PHF20: variants seen among roughly 807,000 people sequenced by gnomAD.
The protein encoded by PHF20 is PHD finger protein 20.
Under a neutral mutation model 113.5 loss-of-function variants are expected in PHF20, and 23 were observed. The observed-to-expected ratio is 0.20, with a 90% CI of 0.15 to 0.29. The LOEUF (loss-of-function observed/expected upper bound fraction) is 0.29, where lower values mean the gene tolerates loss of function less well. PHF20 is among the 10% of genes least tolerant of loss of function. The pLI, the probability that PHF20 is intolerant of heterozygous loss-of-function variation, is 1.00. For synonymous variants in PHF20, 434 were observed against 457.3 expected (o/e 0.95, Z 0.65); for missense variants, 943 against 1,219.6 (o/e 0.77, Z 3.38).
At chr20:35,888,058 G>A (rs568079026) in intron 9 of PHF20, among the ~76,000 whole-genome samples, 5 of 146,310 alleles carry the variant, frequency 3.4e-5, no homozygotes, top group South Asian at 2.2e-4. Flanking sequence ...TCGGCCCACC[G>A]CAACCTCCGC....
intron 1 of PHF20, among the ~76,000 whole-genome samples, chr20:35,795,496 C>T (rs2041649623): frequency 6.6e-6 from 1 of 152,086 alleles, no homozygotes; most frequent in African/African-American, 2.4e-5. Flanking sequence ...TTTGCCCTCC[C>T]AAAGTGTTGG....
At chr20:35,804,472 G>A (rs1600754934) in intron 2 of PHF20, among the ~76,000 whole-genome samples, 1 of 151,848 alleles carries the variant, frequency 6.6e-6, no homozygotes, top group Non-Finnish European at 1.5e-5. Flanking sequence ...TCCTGACCTC[G>A]TGATCCACCC....
At chr20:35,909,184 A>G (rs2055252265) in intron 10 of PHF20, among the ~76,000 whole-genome samples, 1 of 151,932 alleles carries the variant, frequency 6.6e-6, no homozygotes. Flanking sequence ...AGTTGAGGAA[A>G]TTCCCTCCTA....
intron 2 of PHF20, among the ~76,000 whole-genome samples, chr20:35,814,513 G>A (rs1280393999): frequency 6.6e-6 from 1 of 150,518 alleles, no homozygotes. Context: ...CGCTGCGCCC[G>A]GCCTATAATA....
intron 1 of PHF20, among the ~76,000 whole-genome samples, chr20:35,792,080 T>G (rs2041567807): frequency 6.6e-6 from 1 of 152,202 alleles, no homozygotes; most frequent in African/African-American, 2.4e-5. Context: ...TCAACTCATG[T>G]TTGCTGTCTC....
intron 1 of PHF20, among the ~76,000 whole-genome samples, chr20:35,798,795 T>G (rs2041719980): frequency 1.3e-5 from 2 of 151,444 alleles, no homozygotes; most frequent in African/African-American, 4.9e-5. Flanking sequence ...AGGTTCTTGC[T>G]CTGTCACTCA....
At chr20:35,881,048 C>CGTTTT (rs2054620632) in intron 9 of PHF20, among the ~76,000 whole-genome samples, 1 of 109,756 alleles carries the variant, frequency 9.1e-6, no homozygotes, top group Non-Finnish European at 1.8e-5. Flanking sequence ...CTCTAAATAC[C>CGTTTT]TTTTTTTTTT....
At chr20:35,846,344 A>G (rs934199868) in intron 3 of PHF20, among the ~76,000 whole-genome samples, 1 of 151,440 alleles carries the variant, frequency 6.6e-6, no homozygotes, top group Non-Finnish European at 1.5e-5. Context: ...ACACAGGCTA[A>G]TTTTTGTATT....
chr20:35,947,539 C>T lies in PHF20; in HGVS notation c.2951C>T (p.Ala984Val), dbSNP rs1337558611. 1.2e-6 allele frequency: 2 copies of T among 1,613,870 alleles called. No homozygotes were observed. The highest frequency in any genetic ancestry group is 1.7e-5 in the Admixed American group (1 of 60,002). The change falls in exon 18 of 18, where the codon GCC becomes GTC. Residue 984 changes from alanine (A) to valine (V), a missense_variant. By Grantham distance (64) the Ala-to-Val change is moderately conservative (BLOSUM62 0). Around this residue, in one of 3 missense-constraint regions of PHF20, gnomAD observed 349 missense variants for 412.3 expected, o/e 0.85. Coordinates refer to ENST00000374012, the MANE Select transcript of PHF20 (RefSeq NM_016436.5). The part of the protein sequence containing the change: ...TGELEPPEPL[A>V]RLPQLKHCIK... ...GAACTGGAGCCCCCTGAGCCGCTGG[C>T]CAGGCTTCCGCAGCTCAAGCATTGT... is the stretch of plus-strand genomic sequence containing the variant.
chr20:35,827,652 C>T (rs932816713), intron 2 of PHF20, among the ~76,000 whole-genome samples: 1 of 151,942 alleles, frequency 6.6e-6, no homozygotes, highest in Non-Finnish European at 1.5e-5. Context: ...GGCGTGGTGG[C>T]GGGTGCCTGT....
At chr20:35,868,636 G>A (rs541152041) in intron 6 of PHF20, among the ~76,000 whole-genome samples, 6,464 of 151,798 alleles carry the variant, frequency 0.043, 174 homozygotes, top group African/African-American at 0.08. Context: ...AAGCAAGCAA[G>A]CAAACAAAAT....
intron 4 of PHF20, chr20:35,849,474 G>A (rs1024522529): frequency 1.1e-5 from 5 of 468,766 alleles, no homozygotes; most frequent in African/African-American, 2.0e-5. Flanking sequence ...GATGGTGCAG[G>A]TTAATCATGG....
At chr20:35,862,306 A>T (rs1347661276) in intron 5 of PHF20, among the ~76,000 whole-genome samples, 1 of 152,214 alleles carries the variant, frequency 6.6e-6, no homozygotes, top group Non-Finnish European at 1.5e-5. Flanking sequence ...TCTATAGACA[A>T]GACATCAGCA....
In PHF20 at chr20:35,842,518, T is replaced by C. The variant is rs571871432; in HGVS notation, c.84-55T>C. On this transcript the variant is annotated intron_variant, in intron 2 of 17. Coordinates refer to ENST00000374012, the MANE Select transcript of PHF20 (RefSeq NM_016436.5). Reference sequence around the variant, plus strand: ...TTTGGAAATGTACCATTATGGATATTTGGATATTTGGGGTGGGTATTAAAG... The same window carrying C: ...TTTGGAAATGTACCATTATGGATATCTGGATATTTGGGGTGGGTATTAAAG... 9.0e-6 allele frequency: 13 copies of C among 1,447,248 alleles called. No individual in the cohort carries two copies. The East Asian group carries it at 1.6e-4, about 18-fold the overall frequency. The allele number at this position is 1,447,248 out of a possible 1,614,324, so 89.7% of individuals were successfully genotyped here.
chr20:35,938,599 G>A (rs2055912313), intron 15 of PHF20, 98 bp from the exon 16 acceptor site: 2 of 1,198,628 alleles, frequency 1.7e-6, no homozygotes, highest in East Asian at 4.7e-5. Context: ...TGGCCCAGGT[G>A]GAGCTGCTGT....
chr20:35,886,739 T>C lies in PHF20; in HGVS notation c.1283-12631T>C, dbSNP rs139252278. On this transcript the variant is annotated intron_variant, in intron 9 of 17. Coordinates refer to ENST00000374012, the MANE Select transcript of PHF20 (RefSeq NM_016436.5). The stretch of plus-strand genomic sequence containing the variant: ...ATTTGTGGCAGGAATTGATGGCATG[T>C]GGTCCCTGAGAGCCAGGGCCATCTG... Among the ~76,000 whole-genome samples, 808 of 152,298 alleles carry C rather than the reference T, an allele frequency of 5.3e-3. 9 individuals carry two copies. The highest frequency in any genetic ancestry group is 0.019 in the African/African-American group (775 of 41,560).
intron 9 of PHF20, among the ~76,000 whole-genome samples, chr20:35,891,784 C>G (rs2054867616): frequency 1.3e-5 from 2 of 152,262 alleles, no homozygotes; most frequent in South Asian, 4.1e-4. Context: ...GTCCAATTTG[C>G]AAAACCTTCA....
intron 2 of PHF20, among the ~76,000 whole-genome samples, chr20:35,832,837 C>T (rs1031053041): frequency 6.6e-6 from 1 of 152,050 alleles, no homozygotes; most frequent in African/African-American, 2.4e-5. Context: ...ATCACGAGGT[C>T]AGGAGTTCGA....
chr20:35,903,811 CT>C (rs2055148975), intron 10 of PHF20, among the ~76,000 whole-genome samples: 1 of 152,142 alleles, frequency 6.6e-6, no homozygotes, highest in Non-Finnish European at 1.5e-5. Flanking sequence ...ACGTAGCTGG[CT>C]ATCAATGAGA....
Sources: gnomAD v4.1 joint callset for allele counts (sites outside exome capture counted in the v4.1 genomes callset) on GRCh38, gnomAD v4.1.1 for gene constraint, gnomAD v4.1.1 regional missense constraint, MANE v1.5 for transcripts, NCBI Gene and HGNC (gene_info 2026-07-23, HGNC 2026-07-21) for gene names.